The following DNAH7 variants were observed in gnomAD, a reference collection of about 807,000 sequenced individuals.
DNAH7 encodes axonemal beta dynein heavy chain 7.
In DNAH7, 397 loss-of-function variants were observed where a neutral mutation model predicts 444.6. The ratio of observed to expected loss-of-function variants is 0.89; its 90% CI spans 0.82 to 0.97. The LOEUF (loss-of-function observed/expected upper bound fraction) is 0.97, where lower values mean the gene tolerates loss of function less well. DNAH7 is among the 50% of genes least tolerant of loss of function. DNAH7 has a pLI of 0.00. For missense variants in DNAH7, 4,902 were observed against 4,800.8 expected, an observed-to-expected ratio of 1.02 and a Z score of -0.62; for synonymous variants, 1,636 against 1,624.4, an observed-to-expected ratio of 1.01 and a Z score of -0.17.
chr2:196,024,349 T>G, intron 8 of DNAH7, 80 bp downstream of exon 8: 17 of 885,240 alleles, frequency 1.9e-5, no homozygotes, highest in Non-Finnish European at 2.8e-5. Flanking sequence ...AACATACATT[T>G]GAGAAAATAT....
rs376668649 is a variant in DNAH7 at position 195,938,952 on chromosome 2, C to A, written c.3079-2160G>T. 6.6e-4 allele frequency among the ~76,000 whole-genome samples: 101 copies of A among 152,196 alleles called. 2 individuals carry two copies. In the South Asian group the frequency reaches 0.018, roughly 27 times the overall value. ...AGACTGTATCAGATAAAGAAAGGGGCCCAAGTTGAACAGACTTGGTGTCTG... is the reference window on the plus strand; with the variant it reads ...AGACTGTATCAGATAAAGAAAGGGGACCAAGTTGAACAGACTTGGTGTCTG... On this transcript the variant is annotated intron_variant, in intron 19 of 64. Coordinates refer to ENST00000312428, the MANE Select transcript of DNAH7 (RefSeq NM_018897.3).
chr2:195,787,717 G>A lies in DNAH7; in HGVS notation c.10717-546C>T, dbSNP rs371453349. The stretch of plus-strand genomic sequence containing the variant: ...TGTGTGGGGTCTACCCTCTAAGTTC[G>A]AGTTAGTGAGAAGGAATTGATGGGG... On this transcript the variant is annotated intron_variant, in intron 57 of 64. Transcript: ENST00000312428. 4.1e-4 allele frequency among the ~76,000 whole-genome samples: 63 copies of A among 152,202 alleles called. 1 individual carries two copies. Among genetic ancestry groups the A allele is most frequent in the Middle Eastern group, 3.4e-3 (1 of 294 alleles).
At chr2:195,773,160 G>A (rs934755151) in intron 60 of DNAH7, among the ~76,000 whole-genome samples, 2 of 151,818 alleles carry the variant, frequency 1.3e-5, no homozygotes, top group Non-Finnish European at 2.9e-5. Context: ...TTAAATGTTG[G>A]TACATTTTAA....
chr2:196,059,426 C>T (rs1698014088), intron 1 of DNAH7, among the ~76,000 whole-genome samples: 1 of 152,222 alleles, frequency 6.6e-6, no homozygotes, highest in Non-Finnish European at 1.5e-5. Flanking sequence ...ATTGCCTCAG[C>T]TCCAAATCTG....
At chr2:195,810,637 T>C (rs371838023) in intron 51 of DNAH7, among the ~76,000 whole-genome samples, 1 of 152,012 alleles carries the variant, frequency 6.6e-6, no homozygotes, top group Non-Finnish European at 1.5e-5. Context: ...TTTTTTTTTT[T>C]TTCCCACTTT....
intron 22 of DNAH7, among the ~76,000 whole-genome samples, chr2:195,925,949 T>A (rs1688304515): frequency 6.6e-6 from 1 of 152,140 alleles, no homozygotes; most frequent in Non-Finnish European, 1.5e-5. Context: ...TATTTAATAC[T>A]AAGCATCATT....
intron 57 of DNAH7, among the ~76,000 whole-genome samples, chr2:195,787,619 G>A (rs1695685810): frequency 6.6e-6 from 1 of 152,198 alleles, no homozygotes; most frequent in East Asian, 1.9e-4. Context: ...AAGAGGATTT[G>A]TGAAGAGATT....
At chr2:196,058,389 G>A (rs1023480791) in intron 1 of DNAH7, among the ~76,000 whole-genome samples, 6 of 152,170 alleles carry the variant, frequency 3.9e-5, no homozygotes, top group Admixed American at 6.5e-5. Context: ...CCAGGAGGGC[G>A]ATGCATCCCA....
At chr2:196,034,868 C>A (rs569721913) in intron 5 of DNAH7, among the ~76,000 whole-genome samples, 30 of 152,168 alleles carry the variant, frequency 2.0e-4, no homozygotes, top group African/African-American at 7.0e-4. Context: ...TGCATGTAAA[C>A]GTAAGAGTTA....
intron 57 of DNAH7, among the ~76,000 whole-genome samples, chr2:195,790,775 G>C (rs1695843429): frequency 6.6e-6 from 1 of 152,064 alleles, no homozygotes; most frequent in African/African-American, 2.4e-5. Context: ...CTCAAAATTG[G>C]CCTTGGAAAA....
In DNAH7 at chr2:195,923,677, T is replaced by C. The variant is rs1447314713; in HGVS notation, c.3743A>G (p.Asp1248Gly). 1 of 1,613,972 alleles carries C rather than the reference T, an allele frequency of 6.2e-7. No individual in the cohort carries two copies. The highest frequency in any genetic ancestry group is 8.5e-7 in the Non-Finnish European group (1 of 1,179,998). The change falls in exon 23 of 65, where the codon GAT (aspartate) becomes GGT (glycine). Residue 1248 changes from aspartate (D) to glycine (G), a missense_variant. Coordinates refer to ENST00000312428, the MANE Select transcript of DNAH7 (RefSeq NM_018897.3). Reference sequence around the variant, plus strand: ...TTTTTTTACAAGTGATGAGAGGACATCTCTAGCATGGACATCCAGTACCAC... The same window carrying C: ...TTTTTTTACAAGTGATGAGAGGACACCTCTAGCATGGACATCCAGTACCAC... ...ALVVLDVHAR[D>G]VLSSLVKKNI...
intron 27 of DNAH7, chr2:195,901,051 T>C (rs557521): frequency 6.6e-6 from 1 of 152,166 alleles, no homozygotes; most frequent in African/African-American, 2.4e-5. Context: ...TATGACTTTA[T>C]ACCTTTTCTA....
intron 63 of DNAH7, among the ~76,000 whole-genome samples, chr2:195,752,591 T>C (rs1332685106): frequency 1.3e-5 from 2 of 152,002 alleles, no homozygotes; most frequent in East Asian, 3.9e-4. Context: ...TAGGATGCTA[T>C]CAGAAAAGAG....
chr2:195,878,536 G>C (rs1408730822), intron 36 of DNAH7, among the ~76,000 whole-genome samples: 5 of 152,100 alleles, frequency 3.3e-5, no homozygotes, highest in Non-Finnish European at 5.9e-5. Context: ...GGAGGTCAAG[G>C]CTGCAGTGAG....
intron 60 of DNAH7, among the ~76,000 whole-genome samples, chr2:195,775,361 GA>G (rs1463558599): frequency 6.6e-6 from 1 of 152,032 alleles, no homozygotes; most frequent in African/African-American, 2.4e-5. Context: ...ATATAAATCT[GA>G]AAAAATATGA....
At chr2:195,952,198 T>C (rs1690305883) in intron 19 of DNAH7, among the ~76,000 whole-genome samples, 1 of 152,218 alleles carries the variant, frequency 6.6e-6, no homozygotes, top group Non-Finnish European at 1.5e-5. Context: ...GAAGCTTAGT[T>C]TGGCTGGATA....
At chr2:195,786,845 T>G (rs1695648252) in intron 58 of DNAH7, among the ~76,000 whole-genome samples, 165 bp downstream of exon 58, 1 of 152,220 alleles carries the variant, frequency 6.6e-6, no homozygotes, top group Admixed American at 6.5e-5. Context: ...ATAGCAGTTA[T>G]AATACCCTAT....
chr2:195,933,964 C>A (rs1451896557), intron 21 of DNAH7, among the ~76,000 whole-genome samples: 3 of 151,826 alleles, frequency 2.0e-5, no homozygotes, highest in African/African-American at 7.3e-5. Context: ...TCCTTTGCTC[C>A]ATCATGATTT....
chr2:195,787,311 G>A, intron 57 of DNAH7, 140 bp from the exon 58 acceptor site: 1 of 910,050 alleles, frequency 1.1e-6, no homozygotes. Context: ...AATTATAACA[G>A]AGTTAAGTAT....
Sources: allele counts gnomAD v4.1 joint callset (sites outside exome capture counted in the v4.1 genomes callset), GRCh38; gene constraint gnomAD v4.1.1; transcripts MANE v1.5; gene names NCBI Gene and HGNC (gene_info 2026-07-23, HGNC 2026-07-21).